NFATC2IP: variants seen among roughly 807,000 people sequenced by gnomAD.
NFATC2IP encodes the protein NFATC2-interacting protein.
In NFATC2IP, 25 loss-of-function variants were observed where a neutral mutation model predicts 40.2. The ratio of observed to expected loss-of-function variants is 0.62; its 90% CI spans 0.45 to 0.87. The LOEUF (loss-of-function observed/expected upper bound fraction) is 0.87, where lower values mean the gene tolerates loss of function less well. Ranked by LOEUF, NFATC2IP falls within the 40% of genes least tolerant of loss-of-function variation. The pLI is 0.00. For synonymous variants in NFATC2IP, 241 were observed against 236.3 expected (o/e 1.02, Z -0.18); for missense variants, 553 against 555.6 (o/e 1.00, Z 0.05).
At chr16:28,954,243 A>G (rs1289502237) in intron 2 of NFATC2IP, among the ~76,000 whole-genome samples, 5 of 152,100 alleles carry the variant, frequency 3.3e-5, no homozygotes, top group African/African-American at 9.7e-5. Context: ...TTTAATTTTC[A>G]CAGTATTTAT....
intron 7 of NFATC2IP, among the ~76,000 whole-genome samples, chr16:28,961,944 C>A (rs1249056246): frequency 6.8e-6 from 1 of 147,474 alleles, no homozygotes. Flanking sequence ...TGCTCTGTTG[C>A]CCAGGCTGGA....
intron 7 of NFATC2IP, among the ~76,000 whole-genome samples, chr16:28,959,395 C>T (rs1218511599): frequency 6.6e-6 from 1 of 152,068 alleles, no homozygotes; most frequent in African/African-American, 2.4e-5. Context: ...ATCAAAATAA[C>T]AATGAAGGCC....
At chr16:28,961,899 CAAAAAAAAAAA>C (rs1161300546) in intron 7 of NFATC2IP, among the ~76,000 whole-genome samples, 19 of 49,124 alleles carry the variant, frequency 3.9e-4, no homozygotes, top group African/African-American at 8.5e-4. Context: ...GACTTCGTCT[CAAAAAAAAAAA>C]AAAAAAAAAA....
Position 28,964,144 on chromosome 16 carries a change from C to G in NFATC2IP, c.*281C>G. ...CTTGGAGATGTCCCTTCACCCCTCCCCTTTCACCACCATCCTCTTTTCCTC... is the reference window on the plus strand; with the variant it reads ...CTTGGAGATGTCCCTTCACCCCTCCGCTTTCACCACCATCCTCTTTTCCTC... On this transcript the variant is annotated 3_prime_UTR_variant, in exon 8 of 8. Transcript: ENST00000320805. The G allele has an allele frequency of 2.5e-6, 1 of 392,940 alleles. No individual in the cohort carries two copies. 24.3% of individuals were successfully genotyped at this position (392,940 alleles called of 1,614,324 possible). A position where few individuals can be genotyped will look rare whatever the true frequency, so the allele number is the denominator to read the frequency against.
rs142348899 is a variant in NFATC2IP, at chr16:28,951,333, A to AGGCGGC, written c.332_337dup (p.Arg111_Arg112dup). On this transcript the variant is annotated inframe_insertion, in exon 1 of 8. Transcript: ENST00000320805. ...CGCAGGACCCCCGCGGGAGCCGGTC[A>AGGCGGC]GGCGGCGGCGGCGGCTGGTGCTGGA... is the stretch of plus-strand genomic sequence containing the variant. 8.5e-6 allele frequency: 12 copies of AGGCGGC among 1,405,564 alleles called. No homozygotes were observed. The highest frequency in any genetic ancestry group is 1.6e-5 in the South Asian group (1 of 62,688). 87.1% of individuals were successfully genotyped at this position (1,405,564 alleles called of 1,614,324 possible).
Position 28,951,230 on chromosome 16 carries a change from G to A in NFATC2IP, c.219G>A (p.Val73=), listed in dbSNP as rs1201488668. ...TARGAADEVE[V]EPPEPPGPVA... ...GCGGTGCCGCGGACGAGGTTGAGGT[G>A]GAGCCCCCGGAGCCCCCGGGGCCGG... The change falls in exon 1 of 8, where the codon GTG becomes GTA. Residue 73 remains valine, a synonymous_variant. Transcript: ENST00000320805. The A allele has an allele frequency of 2.6e-6, 4 of 1,513,722 alleles. No homozygotes were observed. 93.8% of individuals were successfully genotyped at this position (1,513,722 alleles called of 1,614,324 possible).
At chr16:28,951,504 C>A in intron 1 of NFATC2IP, 106 bp downstream of exon 1, 3 of 1,105,582 alleles carry the variant, frequency 2.7e-6, no homozygotes, top group Non-Finnish European at 3.5e-6. Flanking sequence ...TTGAGGCTGG[C>A]GTTCTGGGGC....
intron 3 of NFATC2IP, 38 bp from the exon 4 acceptor site, chr16:28,955,940 C>T (rs375969600): frequency 3.3e-6 from 5 of 1,495,164 alleles, no homozygotes; most frequent in East Asian, 2.3e-5. Flanking sequence ...GCCAGTCTCT[C>T]TCCATTGCCT....
Position 28,964,145 on chromosome 16 carries a change from C to A in NFATC2IP, c.*282C>A. On this transcript the variant is annotated 3_prime_UTR_variant, in exon 8 of 8. Coordinates refer to ENST00000320805, the MANE Select transcript of NFATC2IP (RefSeq NM_032815.4). ...TTGGAGATGTCCCTTCACCCCTCCC[C>A]TTTCACCACCATCCTCTTTTCCTCA... 1 of 393,404 alleles carries A rather than the reference C, an allele frequency of 2.5e-6. No individual in the cohort carries two copies. The highest frequency in any genetic ancestry group is 4.7e-6 in the Non-Finnish European group (1 of 212,878). 24.4% of individuals were successfully genotyped at this position (393,404 alleles called of 1,614,324 possible). A position where few individuals can be genotyped will look rare whatever the true frequency, so the allele number is the denominator to read the frequency against.
intron 5 of NFATC2IP, among the ~76,000 whole-genome samples, chr16:28,957,294 A>C (rs1024377276): frequency 3.3e-5 from 5 of 151,528 alleles, no homozygotes; most frequent in African/African-American, 1.2e-4. Flanking sequence ...CAGCTTCCCA[A>C]AGTGTTGGGA....
intron 2 of NFATC2IP, among the ~76,000 whole-genome samples, chr16:28,953,300 T>C (rs1964986585): frequency 6.6e-6 from 1 of 152,066 alleles, no homozygotes; most frequent in South Asian, 2.1e-4. Context: ...CTCGAACTCC[T>C]GACCTTAGGT....
intron 7 of NFATC2IP, among the ~76,000 whole-genome samples, chr16:28,962,390 A>G (rs1264518147): frequency 2.0e-5 from 3 of 152,138 alleles, no homozygotes; most frequent in Non-Finnish European, 4.4e-5. Context: ...GAATCACCAC[A>G]TGTTCAACTA....
intron 2 of NFATC2IP, among the ~76,000 whole-genome samples, chr16:28,953,898 A>G (rs564524700): frequency 6.6e-6 from 1 of 150,694 alleles, no homozygotes; most frequent in Non-Finnish European, 1.5e-5. Flanking sequence ...AACCTGGGTG[A>G]CACAGTAGGA....
chr16:28,952,373 T>C (rs1346282032), intron 2 of NFATC2IP, 169 bp downstream of exon 2: 1 of 1,040,354 alleles, frequency 9.6e-7, no homozygotes, highest in African/African-American at 1.6e-5. Context: ...AAGCATAGAA[T>C]GTATTAATGT....
chr16:28,953,424 G>A (rs550438731), intron 2 of NFATC2IP, among the ~76,000 whole-genome samples: 1 of 152,154 alleles, frequency 6.6e-6, no homozygotes, highest in Non-Finnish European at 1.5e-5. Context: ...TATCAAAGTG[G>A]GGATAATAGT....
At chr16:28,959,196 T>G (rs1464555740) in intron 7 of NFATC2IP, 96 bp downstream of exon 7, 1 of 765,202 alleles carries the variant, frequency 1.3e-6, no homozygotes, top group Non-Finnish European at 2.2e-6. Context: ...CCCCTAATCT[T>G]GACTTGCAGG....
At position 28,958,706 on chromosome 16, in the gene NFATC2IP, C is replaced by A. The variant is rs200989302; in HGVS notation, c.847-11C>A. 86 of 1,602,358 alleles carry A rather than the reference C, an allele frequency of 5.4e-5. No homozygotes were observed. Among genetic ancestry groups the A allele is most frequent in the Non-Finnish European group, 2.6e-6 (3 of 1,174,612 alleles). ...AGGAAGACCTCTTTTGCTTGTTGTC[C>A]CCATCCCTAGTCGGAGCCCCTGCAG... is the stretch of plus-strand genomic sequence containing the variant. On this transcript the variant is annotated splice_polypyrimidine_tract_variant and intron_variant, in intron 5 of 7. Coordinates refer to ENST00000320805, the MANE Select transcript of NFATC2IP (RefSeq NM_032815.4).
At chr16:28,955,877 T>C (rs982309911) in intron 3 of NFATC2IP, 101 bp from the exon 4 acceptor site, 2 of 953,128 alleles carry the variant, frequency 2.1e-6, no homozygotes, top group African/African-American at 1.6e-5. Flanking sequence ...GTGTGAGCCA[T>C]TGCGTCCGAC....
chr16:28,956,526 C>A, intron 5 of NFATC2IP, 189 bp downstream of exon 5: 1 of 576,464 alleles, frequency 1.7e-6, no homozygotes. Context: ...ATTTTCCCAA[C>A]GCTCCCCTCT....
Sources: allele counts gnomAD v4.1 joint callset (sites outside exome capture counted in the v4.1 genomes callset), GRCh38; gene constraint gnomAD v4.1.1; transcripts MANE v1.5; gene names NCBI Gene and HGNC (gene_info 2026-07-23, HGNC 2026-07-21).